The following AGBL4 variants were observed in gnomAD, a reference collection of about 807,000 sequenced individuals.
AGBL4 encodes the protein cytosolic carboxypeptidase 6.
Under a neutral mutation model 66.4 loss-of-function variants are expected in AGBL4, and 58 were observed. The observed-to-expected ratio is 0.87, with a 90% confidence interval of 0.71 to 1.09. The LOEUF (loss-of-function observed/expected upper bound fraction) is 1.09. AGBL4 is among the 50% of genes least tolerant of loss of function. The pLI, the probability that AGBL4 is intolerant of heterozygous loss-of-function variation, is 0.00. For synonymous variants in AGBL4, 234 were observed against 222.9 expected, an observed-to-expected ratio of 1.05 and a Z score of -0.44; for missense variants, 579 against 631.0, an observed-to-expected ratio of 0.92 and a Z score of 0.88.
At chr1:49,459,019 T>C (rs1483632204) in intron 3 of AGBL4, among the ~76,000 whole-genome samples, 2 of 151,460 alleles carry the variant, frequency 1.3e-5, no homozygotes, top group Non-Finnish European at 3.0e-5. Flanking sequence ...GCTCCTTCCT[T>C]CCTTCCTTCC....
At chr1:48,793,620 T>C (rs1166402393) in intron 6 of AGBL4, among the ~76,000 whole-genome samples, 2 of 152,144 alleles carry the variant, frequency 1.3e-5, no homozygotes, top group Admixed American at 6.6e-5. Flanking sequence ...GTTCTCTCAT[T>C]TTACTCTTCA....
At chr1:49,600,804 G>A (rs75957802) in intron 3 of AGBL4, among the ~76,000 whole-genome samples, 12 of 152,234 alleles carry the variant, frequency 7.9e-5, no homozygotes, top group East Asian at 3.9e-4. Context: ...AGGCAGGCCC[G>A]CTGGTGACAA....
At position 48,838,947 on chromosome 1, in the gene AGBL4, G is replaced by C. The variant is rs185508274; in HGVS notation, c.634+28244C>G. Among the ~76,000 whole-genome samples, 5 of 152,144 alleles carry C rather than the reference G, an allele frequency of 3.3e-5. No homozygotes were observed. The East Asian group carries it at 9.7e-4, about 29-fold the overall frequency. ...AAATGCTCAACATCACTAATTATCA[G>C]GGAAATGCAAATCAAAGCCACAATG... On this transcript the variant is annotated intron_variant, in intron 6 of 13. Transcript: ENST00000371839.
chr1:49,763,214 G>A (rs1166621579), intron 2 of AGBL4, among the ~76,000 whole-genome samples: 2 of 152,094 alleles, frequency 1.3e-5, no homozygotes, highest in Admixed American at 6.5e-5. Flanking sequence ...CTAGACTCTT[G>A]CTTCTGTTCC....
the AGBL4 span, among the ~76,000 whole-genome samples, chr1:48,526,159 C>A: frequency 6.6e-6 from 1 of 152,174 alleles, no homozygotes; most frequent in Non-Finnish European, 1.5e-5. Context: ...TGCACAGGAA[C>A]AAACATAAAC....
chr1:49,979,318 G>T (rs992386923), intron 1 of AGBL4, among the ~76,000 whole-genome samples: 4 of 151,474 alleles, frequency 2.6e-5, no homozygotes, highest in Non-Finnish European at 5.9e-5. Context: ...AAAATTAGCC[G>T]GGCGCGGTGG....
chr1:48,609,764 T>C (rs1390323253), intron 9 of AGBL4, among the ~76,000 whole-genome samples: 5 of 152,188 alleles, frequency 3.3e-5, no homozygotes, highest in African/African-American at 1.2e-4. Flanking sequence ...ATCTTCTCCA[T>C]ACCTAAAATT....
At chr1:49,679,127 G>A (rs562315087) in intron 3 of AGBL4, among the ~76,000 whole-genome samples, 3 of 152,254 alleles carry the variant, frequency 2.0e-5, no homozygotes, top group Admixed American at 1.3e-4. Flanking sequence ...CAGTTGTTGA[G>A]AGAGGGGTGT....
intron 6 of AGBL4, among the ~76,000 whole-genome samples, chr1:48,713,477 G>A (rs1240412365): frequency 2.0e-5 from 3 of 152,212 alleles, no homozygotes; most frequent in African/African-American, 7.2e-5. Flanking sequence ...GAAGCACAGA[G>A]CAGCTCTGGC....
At chr1:49,853,585 A>C (rs1344336817) in intron 1 of AGBL4, among the ~76,000 whole-genome samples, 1 of 152,130 alleles carries the variant, frequency 6.6e-6, no homozygotes, top group Non-Finnish European at 1.5e-5. Flanking sequence ...ATACCTGAAG[A>C]TATAACACCT....
intron 3 of AGBL4, among the ~76,000 whole-genome samples, chr1:49,305,980 G>A (rs1489793878): frequency 2.6e-5 from 4 of 152,138 alleles, no homozygotes; most frequent in Admixed American, 6.5e-5. Flanking sequence ...GTAAGCCACC[G>A]TGCCTGGCCG....
chr1:49,513,760 T>C (rs1357518079), intron 3 of AGBL4, among the ~76,000 whole-genome samples: 1 of 152,036 alleles, frequency 6.6e-6, no homozygotes, highest in Non-Finnish European at 1.5e-5. Flanking sequence ...TAAATGACTA[T>C]TTCAATTGCT....
chr1:49,756,683 TAGTG>T (rs1272673070), intron 2 of AGBL4, among the ~76,000 whole-genome samples: 5 of 152,220 alleles, frequency 3.3e-5, no homozygotes, highest in Non-Finnish European at 7.3e-5. Flanking sequence ...GTTCTCACGA[TAGTG>T]AGTAAGTTCT....
At chr1:50,005,263 C>T (rs1661043334) in intron 1 of AGBL4, among the ~76,000 whole-genome samples, 1 of 152,148 alleles carries the variant, frequency 6.6e-6, no homozygotes, top group Admixed American at 6.5e-5. Context: ...TTCTGCCACC[C>T]CTCCCTCAGC....
chr1:48,947,949 C>T (rs886144034), intron 5 of AGBL4, among the ~76,000 whole-genome samples: 15 of 150,288 alleles, frequency 1.0e-4, no homozygotes, highest in African/African-American at 3.2e-4. Context: ...GGAGTGCAGT[C>T]GCGCAATCTC....
In AGBL4 at chr1:48,753,204, A is replaced by C. The variant is rs887381829; in HGVS notation, c.635-89963T>G. Among the ~76,000 whole-genome samples the C allele has an allele frequency of 1.4e-4, 21 of 152,382 alleles. No homozygotes were observed. The East Asian group carries it at 2.3e-3, about 17-fold the overall frequency. Reference sequence around the variant, plus strand: ...TGAAAACCTCAGTATTTCTGACCTCAGAGCCCATTAGGGCTCTTAATCACT... The same window carrying C: ...TGAAAACCTCAGTATTTCTGACCTCCGAGCCCATTAGGGCTCTTAATCACT... On this transcript the variant is annotated intron_variant, in intron 6 of 13. Transcript: ENST00000371839.
intron 9 of AGBL4, among the ~76,000 whole-genome samples, chr1:48,609,291 AG>A (rs1246677455): frequency 6.6e-6 from 1 of 152,196 alleles, no homozygotes; most frequent in African/African-American, 2.4e-5. Flanking sequence ...TGAAGCCTGA[AG>A]GATAATGCTC....
At chr1:48,617,084 G>A (rs1645331201) in intron 9 of AGBL4, among the ~76,000 whole-genome samples, 1 of 152,154 alleles carries the variant, frequency 6.6e-6, no homozygotes, top group Non-Finnish European at 1.5e-5. Context: ...AGAAAAGGAG[G>A]GAGGGGGGAG....
At chr1:49,881,279 A>G (rs1427880932) in intron 1 of AGBL4, among the ~76,000 whole-genome samples, 2 of 152,016 alleles carry the variant, frequency 1.3e-5, no homozygotes, top group East Asian at 1.9e-4. Context: ...TTCTTAATCC[A>G]GTCTATCATT....
Sources: allele counts gnomAD v4.1 joint callset (sites outside exome capture counted in the v4.1 genomes callset), GRCh38; gene constraint gnomAD v4.1.1; transcripts MANE v1.5; gene names NCBI Gene and HGNC (gene_info 2026-07-23, HGNC 2026-07-21).